NLRP6: variants seen among roughly 807,000 people sequenced by gnomAD.
The protein encoded by NLRP6 is NLR family pyrin domain containing 6, also known as NACHT, LRR and PYD domains-containing protein 6.
A neutral mutation model predicts 70.9 loss-of-function variants in NLRP6; 55 were observed. The ratio of observed to expected loss-of-function variants is 0.78; its 90% CI spans 0.62 to 0.97. The LOEUF (loss-of-function observed/expected upper bound fraction) is 0.97. NLRP6 is among the 50% of genes least tolerant of loss of function. NLRP6 has a pLI of 0.00. For synonymous variants in NLRP6, 652 were observed against 581.9 expected, an observed-to-expected ratio of 1.12 and a Z score of -1.73; for missense variants, 1,241 against 1,238.3, an observed-to-expected ratio of 1.00 and a Z score of -0.03.
chr11:281,165 G>A lies in NLRP6; in HGVS notation c.1431G>A (p.Thr477=). Residue 477 remains threonine, a synonymous_variant, in exon 4 of 8, where the codon ACG becomes ACA. Transcript: ENST00000534750. ...QLELRGSKVQ[T]LFLSKKELPG... Reference sequence around the variant, plus strand: ...AGCTTCGTGGCTCCAAAGTGCAGACGCTGTTTCTCAGCAAAAAGGAGCTGC... The same window carrying A: ...AGCTTCGTGGCTCCAAAGTGCAGACACTGTTTCTCAGCAAAAAGGAGCTGC... 3 of 1,613,142 alleles carry A rather than the reference G, an allele frequency of 1.9e-6. No individual in the cohort carries two copies. Among genetic ancestry groups the A allele is most frequent in the South Asian group, 1.1e-5 (1 of 91,090 alleles).
chr11:279,301 G>A (rs1845431487), intron 1 of NLRP6, 26 bp from the exon 2 acceptor site: 1 of 611,732 alleles, frequency 1.6e-6, no homozygotes, highest in Non-Finnish European at 2.1e-6. Flanking sequence ...GCCGCTCCCC[G>A]ATGACCCGCG....
At chr11:282,861 G>A (rs1290919893) in intron 5 of NLRP6, 64 bp downstream of exon 5, 11 of 1,202,362 alleles carry the variant, frequency 9.1e-6, no homozygotes, top group Non-Finnish European at 3.7e-6. Context: ...CCTGGGCAGA[G>A]ACGGAAGTAT....
intron 1 of NLRP6, 62 bp from the exon 2 acceptor site, chr11:279,265 C>CGGGGGGGGGGGG: frequency 8.3e-7 from 1 of 1,202,660 alleles, no homozygotes; most frequent in Non-Finnish European, 1.0e-6. Context: ...GCGCCAGAGT[C>CGGGGGGGGGGGG]GGGGGCGGGC....
In NLRP6 at chr11:281,151, T is replaced by G; in HGVS notation, c.1417T>G (p.Ser473Ala). The G allele has an allele frequency of 6.2e-7, 1 of 1,613,062 alleles. No individual in the cohort carries two copies. The highest frequency in any genetic ancestry group is 8.5e-7 in the Non-Finnish European group (1 of 1,179,954). The change falls in exon 4 of 8, where the codon TCC (serine) becomes GCC (alanine). Residue 473 changes from serine to alanine, a missense_variant. Transcript: ENST00000534750. Reference sequence around the variant, plus strand: ...ACTGGAGCAACTGGAGCTTCGTGGCTCCAAAGTGCAGACGCTGTTTCTCAG... The same window carrying G: ...ACTGGAGCAACTGGAGCTTCGTGGCGCCAAAGTGCAGACGCTGTTTCTCAG... The part of the protein sequence containing the change: ...KELEQLELRG[S>A]KVQTLFLSKK...
chr11:282,897 C>T (rs916102122), intron 5 of NLRP6, 100 bp downstream of exon 5: 5 of 862,282 alleles, frequency 5.8e-6, no homozygotes, highest in Non-Finnish European at 9.8e-6. Context: ...GCTGAGGGGT[C>T]AGACCAGAGC....
In NLRP6 at chr11:280,652, G is replaced by T; in HGVS notation, c.918G>T (p.Arg306=). ...CCTTCGAGGCGGCGAGCGGCGCGCG[G>T]GTGCTAGGCGGGCTGCTGAGCAAGG... ...TDPFEAASGA[R]VLGGLLSKAL... is the part of the protein sequence containing the mutation. Residue 306 remains arginine (R), a synonymous_variant, in exon 4 of 8, where the codon CGG becomes CGT. Transcript: ENST00000534750. 2 of 1,517,466 alleles carry T rather than the reference G, an allele frequency of 1.3e-6. No individual in the cohort carries two copies. The highest frequency in any genetic ancestry group is 1.8e-6 in the Non-Finnish European group (2 of 1,140,818). The allele number at this position is 1,517,466 out of a possible 1,614,324, so 94.0% of individuals were successfully genotyped here.
At chr11:281,877 G>C (rs762141350) in intron 4 of NLRP6, 38 bp downstream of exon 4, 2 of 1,528,008 alleles carry the variant, frequency 1.3e-6, no homozygotes, top group Non-Finnish European at 1.8e-6. Context: ...TTGTGTGTGA[G>C]GTGTGTGTGC....
chr11:279,052 G>GC lies in NLRP6; in HGVS notation c.30-269dup, dbSNP rs1335960646. ...AAAGGGAGGTGCAGGGGAGGAAGGT[G>GC]CCCCCCAGAGCTCAGATCAGCGGCG... On this transcript the variant is annotated intron_variant, in intron 1 of 7. Coordinates refer to ENST00000534750, the MANE Select transcript of NLRP6 (RefSeq NM_001276700.2). 11 of 371,230 alleles carry GC rather than the reference G, an allele frequency of 3.0e-5. No individual in the cohort carries two copies. The South Asian group carries it at 6.8e-4, about 23-fold the overall frequency. 23.0% of individuals were successfully genotyped at this position (371,230 alleles called of 1,614,324 possible).
Position 280,835 on chromosome 11 carries a change from G to C in NLRP6, c.1101G>C (p.Arg367Ser), listed in dbSNP as rs771774298. Residue 367 changes from arginine (R) to serine (S), a missense_variant, in exon 4 of 8, where the codon AGG becomes AGC. Physicochemically the swap from Arg to Ser is moderately radical, Grantham distance 110. Transcript: ENST00000534750. Reference sequence around the variant, plus strand: ...ACAAGTATTTCCGGGATGAGAGGAGGGCCGAGCGCGCCTACCGCTTCGTGA... The same window carrying C: ...ACAAGTATTTCCGGGATGAGAGGAGCGCCGAGCGCGCCTACCGCTTCGTGA... ...YFYKYFRDER[R>S]AERAYRFVKE... 1 of 1,613,114 alleles carries C rather than the reference G, an allele frequency of 6.2e-7. No individual in the cohort carries two copies. Among genetic ancestry groups the C allele is most frequent in the Non-Finnish European group, 8.5e-7 (1 of 1,179,952 alleles).
At chr11:279,148 A>C in intron 1 of NLRP6, 179 bp from the exon 2 acceptor site, 2 of 488,430 alleles carry the variant, frequency 4.1e-6, no homozygotes, top group Non-Finnish European at 6.4e-6. Flanking sequence ...GGGACGGGGG[A>C]GGGAAAAGTC....
At position 280,442 on chromosome 11, in the gene NLRP6, C is replaced by A; in HGVS notation, c.708C>A (p.Pro236=). The change falls in exon 4 of 8, where the codon CCC becomes CCA. Residue 236 remains proline, a synonymous_variant. Coordinates refer to ENST00000534750, the MANE Select transcript of NLRP6 (RefSeq NM_001276700.2). The part of the protein sequence containing the change: ...QGQVDFAFFM[P]CGELLERPGT... ...AGGTGGACTTCGCCTTCTTCATGCC[C>A]TGCGGCGAGCTGCTGGAGAGGCCGG... 6.3e-7 allele frequency: 1 copy of A among 1,592,204 alleles called. No homozygotes were observed.
At position 281,735 on chromosome 11, in the gene NLRP6, T is replaced by A. The variant is rs1163631855; in HGVS notation, c.2001T>A (p.Pro667=). Reference sequence around the variant, plus strand: ...TGAGCTACTGCGTGAGGTGCTGCCCTGCTGGACAGGCACTGCGGCTGATCA... The same window carrying A: ...TGAGCTACTGCGTGAGGTGCTGCCCAGCTGGACAGGCACTGCGGCTGATCA... ...AVLSYCVRCC[P]AGQALRLISC... The change falls in exon 4 of 8, where the codon CCT becomes CCA. Residue 667 remains proline (P), a synonymous_variant. Transcript: ENST00000534750. The A allele has an allele frequency of 6.2e-7, 1 of 1,612,822 alleles. No individual in the cohort carries two copies. Among genetic ancestry groups the A allele is most frequent in the Non-Finnish European group, 8.5e-7 (1 of 1,179,900 alleles).
chr11:282,803 T>C lies in NLRP6; in HGVS notation c.2198+6T>C. 1 of 1,593,578 alleles carries C rather than the reference T, an allele frequency of 6.3e-7. No homozygotes were observed. The highest frequency in any genetic ancestry group is 8.6e-7 in the Non-Finnish European group (1 of 1,161,560). On this transcript the variant is annotated splice_donor_region_variant and intron_variant, in intron 5 of 7. Coordinates refer to ENST00000534750, the MANE Select transcript of NLRP6 (RefSeq NM_001276700.2). Reference sequence around the variant, plus strand: ...TGCCATCTGAGCAGCCTCACGTGAGTGGCCACACCCCCAGCTCTTCCCACG... The same window carrying C: ...TGCCATCTGAGCAGCCTCACGTGAGCGGCCACACCCCCAGCTCTTCCCACG...
At chr11:285,054 C>G in intron 7 of NLRP6, 112 bp from the exon 8 acceptor site, 1 of 913,122 alleles carries the variant, frequency 1.1e-6, no homozygotes, top group Non-Finnish European at 1.7e-6. Flanking sequence ...CGGCCACCCC[C>G]ACGGCACTGC....
At position 280,694 on chromosome 11, in the gene NLRP6, C is replaced by T. The variant is rs1268476234; in HGVS notation, c.960C>T (p.Ala320=). The change falls in exon 4 of 8, where the codon GCC becomes GCT. Residue 320 remains alanine (A), a synonymous_variant. Transcript: ENST00000534750. ...GLLSKALLPT[A]LLLVTTRAAA... ...TGAGCAAGGCGCTGCTGCCCACGGCCCTCCTGCTGGTGACCACGCGCGCCG... is the reference window on the plus strand; with the variant it reads ...TGAGCAAGGCGCTGCTGCCCACGGCTCTCCTGCTGGTGACCACGCGCGCCG... The T allele has an allele frequency of 6.4e-7, 1 of 1,568,008 alleles. No individual in the cohort carries two copies. The highest frequency in any genetic ancestry group is 2.3e-5 in the East Asian group (1 of 44,382).
In NLRP6 at chr11:284,509, T is replaced by G; in HGVS notation, c.2404T>G (p.Tyr802Asp). 6.2e-7 allele frequency: 1 copy of G among 1,613,084 alleles called. No individual in the cohort carries two copies. Among genetic ancestry groups the G allele is most frequent in the African/African-American group, 1.3e-5 (1 of 75,036 alleles). Residue 802 changes from tyrosine to aspartate, a missense_variant, in exon 7 of 8, where the codon TAC becomes GAC. Transcript: ENST00000534750. ...QLPDPQRGLQ[Y>D]LVGMLRQSPA... is the part of the protein sequence containing the mutation. Reference sequence around the variant, plus strand: ...GCCTGACCCCCAGCGAGGGCTCCAGTACCTGGTGGGTATGCTTCGGCAGAG... The same window carrying G: ...GCCTGACCCCCAGCGAGGGCTCCAGGACCTGGTGGGTATGCTTCGGCAGAG...
At chr11:279,684 C>T in intron 2 of NLRP6, 77 bp downstream of exon 2, 1 of 1,357,452 alleles carries the variant, frequency 7.4e-7, no homozygotes, top group Non-Finnish European at 9.5e-7. Flanking sequence ...GGAGAAGCCC[C>T]GGCGCGGTCC....
chr11:284,096 T>A, intron 5 of NLRP6, 134 bp from the exon 6 acceptor site: 2 of 769,268 alleles, frequency 2.6e-6, no homozygotes, highest in East Asian at 5.3e-5. Flanking sequence ...CTCTGCGAGG[T>A]CCAGGGAAGG....
In NLRP6 at chr11:279,469, C is replaced by G. The variant is rs1471287097; in HGVS notation, c.172C>G (p.Arg58Gly). The G allele has an allele frequency of 2.8e-6, 4 of 1,418,252 alleles. No homozygotes were observed. The Admixed American group carries it at 1.2e-4, about 44-fold the overall frequency. 87.9% of individuals were successfully genotyped at this position (1,418,252 alleles called of 1,614,324 possible). ...CAGCATCCCGTGGGGGCGGCTGGAGCGCGCGGACGCCGTGGACCTCGCGGA... is the reference window on the plus strand; with the variant it reads ...CAGCATCCCGTGGGGGCGGCTGGAGGGCGCGGACGCCGTGGACCTCGCGGA... ...GRSIPWGRLE[R>G]ADAVDLAEQL... The change falls in exon 2 of 8, where the codon CGC becomes GGC. Residue 58 changes from arginine (R) to glycine (G), a missense_variant. Physicochemically the swap from Arg to Gly is moderately radical, Grantham distance 125. Coordinates refer to ENST00000534750, the MANE Select transcript of NLRP6 (RefSeq NM_001276700.2).
Sources: gnomAD v4.1 joint callset for allele counts on GRCh38, gnomAD v4.1.1 for gene constraint, MANE v1.5 for transcripts, NCBI Gene and HGNC (gene_info 2026-07-23, HGNC 2026-07-21) for gene names.